Variants in ARF1 observed in about 807,000 individuals in gnomAD.
ARF1 encodes the protein ADP-ribosylation factor 1.
ARF1 carries 1 observed loss-of-function variant against 18.0 expected under a neutral mutation model. The ratio of observed to expected loss-of-function variants is 0.06; its 90% confidence interval spans 0.02 to 0.26. The LOEUF (loss-of-function observed/expected upper bound fraction) is 0.26. Ranked by LOEUF, ARF1 falls within the 10% of genes least tolerant of loss-of-function variation. The probability of loss-of-function intolerance (pLI) is 1.00; values close to 1 mark genes in which losing one functional copy is unlikely to be tolerated. For synonymous variants in ARF1, 112 were observed against 96.3 expected (o/e 1.16, Z -0.95); for missense variants, 73 against 247.2 (o/e 0.30, Z 4.73).
rs2032856678 is a variant in ARF1 at position 228,098,916 on chromosome 1, G to A, written c.*903G>A. 6.6e-6 allele frequency: 1 copy of A among 152,638 alleles called. No individual in the cohort carries two copies. The allele number at this position is 152,638 out of a possible 1,614,324, so 9.5% of individuals were successfully genotyped here. On this transcript the variant is annotated 3_prime_UTR_variant, in exon 5 of 5. Transcript: ENST00000272102. The stretch of plus-strand genomic sequence containing the variant: ...CACCTAGACCCACAGCCCCTCGGGA[G>A]CACCCCACCTCTGTGTGTGATGTAG...
In ARF1 at chr1:228,098,106, C is replaced by T; in HGVS notation, c.*93C>T. 1 of 1,484,868 alleles carries T rather than the reference C, an allele frequency of 6.7e-7. No individual in the cohort carries two copies. Among genetic ancestry groups the T allele is most frequent in the Non-Finnish European group, 9.1e-7 (1 of 1,102,552 alleles). 92.0% of individuals were successfully genotyped at this position (1,484,868 alleles called of 1,614,324 possible). A position where few individuals can be genotyped will look rare whatever the true frequency, so the allele number is the denominator to read the frequency against. Reference sequence around the variant, plus strand: ...GTGGTGTGAGTGCCAGAAGCTGCCTCCGTGGTTTGGTCACCGTGTGCATCG... The same window carrying T: ...GTGGTGTGAGTGCCAGAAGCTGCCTTCGTGGTTTGGTCACCGTGTGCATCG... On this transcript the variant is annotated 3_prime_UTR_variant, in exon 5 of 5. Transcript: ENST00000272102.
chr1:228,096,968 C>A lies in ARF1; in HGVS notation c.-37-110C>A, dbSNP rs190070574. The A allele has an allele frequency of 9.6e-5, 97 of 1,008,536 alleles. 1 individual carries two copies. In the Admixed American group the frequency reaches 1.3e-3, roughly 13 times the overall value. 62.5% of individuals were successfully genotyped at this position (1,008,536 alleles called of 1,614,324 possible). On this transcript the variant is annotated intron_variant, in intron 1 of 4. Transcript: ENST00000272102. ...GCAGGGCTCTTTCCCTGTTTCCCTG[C>A]AGGCTTCCAGGAGGTGGGGTGAGGC...
intron 1 of ARF1, among the ~76,000 whole-genome samples, chr1:228,084,660 C>G (rs2032337124): frequency 6.6e-6 from 1 of 152,202 alleles, no homozygotes. Context: ...CCCTACGGAC[C>G]AGACAGGCTT....
At chr1:228,088,443 T>G (rs1396974944) in intron 1 of ARF1, among the ~76,000 whole-genome samples, 4 of 152,132 alleles carry the variant, frequency 2.6e-5, no homozygotes, top group African/African-American at 9.7e-5. Flanking sequence ...ACTGGCACCT[T>G]TGGCAGTGGC....
intron 1 of ARF1, among the ~76,000 whole-genome samples, chr1:228,093,491 G>A (rs1051036845): frequency 6.6e-6 from 1 of 152,126 alleles, no homozygotes; most frequent in African/African-American, 2.4e-5. Context: ...AGATGTGCTT[G>A]TCGGTAGGAG....
chr1:228,093,113 G>A (rs967581798), intron 1 of ARF1, among the ~76,000 whole-genome samples: 1 of 152,158 alleles, frequency 6.6e-6, no homozygotes, highest in Non-Finnish European at 1.5e-5. Flanking sequence ...TTCTCAAAGT[G>A]TGAGGGGTCC....
At chr1:228,084,379 A>G (rs1008336622) in intron 1 of ARF1, among the ~76,000 whole-genome samples, 1 of 152,242 alleles carries the variant, frequency 6.6e-6, no homozygotes, top group Non-Finnish European at 1.5e-5. Context: ...ACTTGTCTTC[A>G]GGCGTATCTT....
At chr1:228,084,813 A>G (rs2032342741) in intron 1 of ARF1, among the ~76,000 whole-genome samples, 1 of 152,082 alleles carries the variant, frequency 6.6e-6, no homozygotes, top group Non-Finnish European at 1.5e-5. Context: ...GTATATGACC[A>G]TGGTTTCAGA....
At chr1:228,086,609 G>C (rs1010914925) in intron 1 of ARF1, among the ~76,000 whole-genome samples, 3 of 152,206 alleles carry the variant, frequency 2.0e-5, no homozygotes, top group African/African-American at 7.2e-5. Flanking sequence ...AGAGCTTCCA[G>C]AAAGCTGAAT....
Position 228,085,385 on chromosome 1 carries a change from G to A in ARF1, c.-38+2620G>A, listed in dbSNP as rs2032361310. 2.0e-5 allele frequency among the ~76,000 whole-genome samples: 3 copies of A among 152,228 alleles called. No homozygotes were observed. In the South Asian group the frequency reaches 6.2e-4, roughly 31 times the overall value. On this transcript the variant is annotated intron_variant, in intron 1 of 4. Coordinates refer to ENST00000272102, the MANE Select transcript of ARF1 (RefSeq NM_001658.4). The stretch of plus-strand genomic sequence containing the variant: ...CAGATAGGTAGTTTCACATTCTCAG[G>A]TGGGTCAGATGACCTTGTTAGCGAC...
intron 1 of ARF1, among the ~76,000 whole-genome samples, chr1:228,083,897 G>A (rs1247207078): frequency 6.6e-6 from 1 of 152,258 alleles, no homozygotes; most frequent in Non-Finnish European, 1.5e-5. Flanking sequence ...GAAAAGAAGG[G>A]AGGTCGGAGG....
intron 1 of ARF1, chr1:228,096,583 A>G (rs2032754949): frequency 6.5e-6 from 1 of 153,358 alleles, no homozygotes; most frequent in Non-Finnish European, 1.5e-5. Flanking sequence ...GGTGTGGGGC[A>G]GACATGGCGG....
intron 1 of ARF1, chr1:228,083,425 G>C (rs995884652): frequency 5.3e-5 from 8 of 152,374 alleles, no homozygotes; most frequent in African/African-American, 1.2e-4. Context: ...CAGGAACCCC[G>C]TGCCCTTCCC....
Position 228,089,159 on chromosome 1 carries a change from G to C in ARF1, c.-38+6394G>C, listed in dbSNP as rs1016524351. On this transcript the variant is annotated intron_variant, in intron 1 of 4. Transcript: ENST00000272102. The surrounding 1 kb of genome is among the most constrained non-coding windows in gnomAD (Gnocchi z 4.1). ...GTCAAGGGGCAGGAATTGGGAGGAG[G>C]GTCTAAAGTCTTGAAGAGAAATGTG... Among the ~76,000 whole-genome samples, 1 of 152,168 alleles carries C rather than the reference G, an allele frequency of 6.6e-6. No individual in the cohort carries two copies. The highest frequency in any genetic ancestry group is 2.4e-5 in the African/African-American group (1 of 41,432).
intron 1 of ARF1, among the ~76,000 whole-genome samples, chr1:228,091,267 T>C (rs1369612859): frequency 6.6e-6 from 1 of 152,234 alleles, no homozygotes; most frequent in Non-Finnish European, 1.5e-5. Context: ...TGAATTTCAC[T>C]GATTGCCCCA....
chr1:228,087,272 G>A (rs988921514), intron 1 of ARF1, among the ~76,000 whole-genome samples: 1 of 152,144 alleles, frequency 6.6e-6, no homozygotes, highest in Admixed American at 6.6e-5. Context: ...GTATTTTATA[G>A]GTTTGATTTA....
chr1:228,083,745 T>G (rs1048740750), intron 1 of ARF1, among the ~76,000 whole-genome samples: 5 of 152,078 alleles, frequency 3.3e-5, no homozygotes, highest in African/African-American at 7.2e-5. Context: ...TTACGGCGTG[T>G]GAGATTGGGG....
intron 1 of ARF1, among the ~76,000 whole-genome samples, chr1:228,093,087 C>T (rs370852558): frequency 9.2e-5 from 14 of 152,156 alleles, no homozygotes; most frequent in Admixed American, 1.3e-4. Flanking sequence ...CTGGCATCCT[C>T]CTGCTGGGCA....
At position 228,098,648 on chromosome 1, in the gene ARF1, G is replaced by A. The variant is rs1330065216; in HGVS notation, c.*635G>A. The A allele has an allele frequency of 2.0e-5, 3 of 152,674 alleles. No homozygotes were observed. Among genetic ancestry groups the A allele is most frequent in the Admixed American group, 1.3e-4 (2 of 15,278 alleles). The allele number at this position is 152,674 out of a possible 1,614,324, so 9.5% of individuals were successfully genotyped here. A position where few individuals can be genotyped will look rare whatever the true frequency, so the allele number is the denominator to read the frequency against. On this transcript the variant is annotated 3_prime_UTR_variant, in exon 5 of 5. Coordinates refer to ENST00000272102, the MANE Select transcript of ARF1 (RefSeq NM_001658.4). ...GGGTCACCCTGCATTCCATAGCCAT[G>A]TGCTTGTCCCTGTGCTCCCACGGTT...
Sources: allele counts gnomAD v4.1 joint callset (sites outside exome capture counted in the v4.1 genomes callset), GRCh38; gene constraint gnomAD v4.1.1; non-coding constraint Gnocchi (gnomAD v3.1); transcripts MANE v1.5; gene names NCBI Gene and HGNC (gene_info 2026-07-23, HGNC 2026-07-21).